Variants in ZSWIM5 observed in about 807,000 individuals in gnomAD.
ZSWIM5 encodes the protein zinc finger SWIM domain-containing protein 5.
A neutral mutation model predicts 119.6 loss-of-function variants in ZSWIM5; 55 were observed. The ratio of observed to expected loss-of-function variants is 0.46; its 90% CI spans 0.37 to 0.58. ZSWIM5 has a LOEUF of 0.58. Ranked by LOEUF, ZSWIM5 falls within the 20% of genes least tolerant of loss-of-function variation. The pLI is 0.00. For synonymous variants in ZSWIM5, 537 were observed against 606.9 expected, an observed-to-expected ratio of 0.88 and a Z score of 1.69; for missense variants, 1,193 against 1,512.8, an observed-to-expected ratio of 0.79 and a Z score of 3.51.
chr1:45,032,952 T>G (rs576141283), intron 11 of ZSWIM5, among the ~76,000 whole-genome samples: 4 of 152,286 alleles, frequency 2.6e-5, no homozygotes, highest in Admixed American at 2.6e-4. Context: ...ATTATTGGTT[T>G]TAAGCATTTT....
chr1:45,163,742 G>C (rs1013062505), intron 1 of ZSWIM5, among the ~76,000 whole-genome samples: 3 of 151,682 alleles, frequency 2.0e-5, no homozygotes, highest in Non-Finnish European at 4.4e-5. Context: ...AAGATCAAAT[G>C]AATGAAGTCA....
At chr1:45,094,517 A>G (rs1645387642) in intron 1 of ZSWIM5, among the ~76,000 whole-genome samples, 1 of 151,706 alleles carries the variant, frequency 6.6e-6, no homozygotes, top group African/African-American at 2.4e-5. Flanking sequence ...CCAAGGTGGG[A>G]GGACTGCTTG....
At chr1:45,075,923 C>A (rs1645254111) in intron 2 of ZSWIM5, among the ~76,000 whole-genome samples, 1 of 144,762 alleles carries the variant, frequency 6.9e-6, no homozygotes, top group African/African-American at 2.6e-5. Flanking sequence ...CTTGCAAATA[C>A]TATCTTATAA....
At chr1:45,081,322 C>A (rs1488478997) in intron 2 of ZSWIM5, among the ~76,000 whole-genome samples, 3 of 151,930 alleles carry the variant, frequency 2.0e-5, no homozygotes, top group Admixed American at 6.6e-5. Context: ...CCCATGGTCT[C>A]CCTCTCCCTC....
chr1:45,111,361 T>C (rs1380992936), intron 1 of ZSWIM5, among the ~76,000 whole-genome samples: 1 of 152,150 alleles, frequency 6.6e-6, no homozygotes, highest in East Asian at 1.9e-4. Context: ...CTGTTATACA[T>C]AGAAACAAAA....
chr1:45,152,142 C>T (rs560593804), intron 1 of ZSWIM5, among the ~76,000 whole-genome samples: 1 of 152,206 alleles, frequency 6.6e-6, no homozygotes, highest in East Asian at 1.9e-4. Context: ...CAGTGAGAGG[C>T]AAGCAGGGCC....
chr1:45,036,480 A>G, intron 8 of ZSWIM5, among the ~76,000 whole-genome samples, 181 bp from the exon 9 acceptor site: 1 of 150,702 alleles, frequency 6.6e-6, no homozygotes, highest in East Asian at 2.0e-4. Flanking sequence ...TCAGCCTCCC[A>G]AGTAGCTGGG....
At chr1:45,154,309 G>A (rs1174336509) in intron 1 of ZSWIM5, among the ~76,000 whole-genome samples, 1 of 152,016 alleles carries the variant, frequency 6.6e-6, no homozygotes, top group Non-Finnish European at 1.5e-5. Flanking sequence ...TAAGCAAAAA[G>A]TACAAATTTG....
At chr1:45,154,682 G>A (rs1462017172) in intron 1 of ZSWIM5, among the ~76,000 whole-genome samples, 2 of 152,078 alleles carry the variant, frequency 1.3e-5, no homozygotes, top group African/African-American at 4.8e-5. Context: ...AGGAGTTCGA[G>A]ACCAGCCTGG....
chr1:45,150,171 T>TAAA (rs59869691), intron 1 of ZSWIM5, among the ~76,000 whole-genome samples: 3 of 93,384 alleles, frequency 3.2e-5, no homozygotes, highest in Admixed American at 1.2e-4. Flanking sequence ...CTCTATCTCT[T>TAAA]AAAAAAAAAA....
At position 45,043,279 on chromosome 1, in the gene ZSWIM5, C is replaced by T. The variant is rs770106051; in HGVS notation, c.1549G>A (p.Ala517Thr). The change falls in exon 6 of 14, where the codon GCC becomes ACC. Residue 517 changes from alanine (A) to threonine (T), a missense_variant. Physicochemically the swap from Ala to Thr is moderately conservative, Grantham distance 58 (BLOSUM62 0). Coordinates refer to ENST00000359600, the MANE Select transcript of ZSWIM5 (RefSeq NM_020883.2). ...IISSDVYTAP[A>T]CQRESERLLF... ...AGTCTTTCACTTTCCCGCTGGCAGG[C>T]AGGAGCTGTATAAACATCACTGCTG... 3.1e-6 allele frequency: 5 copies of T among 1,614,046 alleles called. No homozygotes were observed. The African/African-American group carries it at 6.7e-5, about 22-fold the overall frequency.
chr1:45,119,244 T>TTA (rs1645577238), intron 1 of ZSWIM5, among the ~76,000 whole-genome samples: 1 of 152,152 alleles, frequency 6.6e-6, no homozygotes, highest in Non-Finnish European at 1.5e-5. Flanking sequence ...ATAGTCCTGC[T>TTA]TACCTCACTC....
intron 1 of ZSWIM5, among the ~76,000 whole-genome samples, chr1:45,191,001 C>CAGT (rs1463836506): frequency 1.6e-5 from 2 of 123,194 alleles, no homozygotes; most frequent in African/African-American, 3.2e-5. Context: ...GGCCGGAGTG[C>CAGT]AGTGGCGCTA....
At chr1:45,141,222 G>C (rs1645724827) in intron 1 of ZSWIM5, among the ~76,000 whole-genome samples, 1 of 152,204 alleles carries the variant, frequency 6.6e-6, no homozygotes, top group Admixed American at 6.5e-5. Flanking sequence ...TGGTAGAGCA[G>C]TAGTTCTAAG....
At chr1:45,123,414 G>C (rs548211098) in intron 1 of ZSWIM5, among the ~76,000 whole-genome samples, 104 of 152,174 alleles carry the variant, frequency 6.8e-4, no homozygotes, top group Non-Finnish European at 1.0e-3. Flanking sequence ...AGAAACAGAA[G>C]ATACAAAGAA....
rs574440592 is a variant in ZSWIM5, at chr1:45,180,246, C to T, written c.595+25510G>A. On this transcript the variant is annotated intron_variant, in intron 1 of 13. Coordinates refer to ENST00000359600, the MANE Select transcript of ZSWIM5 (RefSeq NM_020883.2). Reference sequence around the variant, plus strand: ...CTCCCACCCGAATACTGCGCTTTTCCGACGGGCTTAGGAAACGGCACACCA... The same window carrying T: ...CTCCCACCCGAATACTGCGCTTTTCTGACGGGCTTAGGAAACGGCACACCA... 4.3e-4 allele frequency among the ~76,000 whole-genome samples: 66 copies of T among 152,260 alleles called. No homozygotes were observed. The South Asian group carries it at 0.012, about 28-fold the overall frequency.
chr1:45,181,475 G>C (rs1189414277), intron 1 of ZSWIM5, among the ~76,000 whole-genome samples: 1 of 152,136 alleles, frequency 6.6e-6, no homozygotes, highest in Non-Finnish European at 1.5e-5. Context: ...ACCTGAAAGG[G>C]ACAGGGAGAA....
chr1:45,070,424 C>A, intron 2 of ZSWIM5: 1 of 1,368,388 alleles, frequency 7.3e-7, no homozygotes, highest in South Asian at 1.2e-5. Flanking sequence ...GGTACAAAGT[C>A]TCCATGTTGG....
In ZSWIM5 at chr1:45,017,957, T is replaced by C. The variant is rs549361767; in HGVS notation, c.*497A>G. 772 of 163,330 alleles carry C rather than the reference T, an allele frequency of 4.7e-3. 8 individuals are homozygous for C. Among genetic ancestry groups the C allele is most frequent in the African/African-American group, 0.017 (725 of 41,650 alleles). 10.1% of individuals were successfully genotyped at this position (163,330 alleles called of 1,614,324 possible). ...TCTGCAAGGGAAACCTGAGAAATGG[T>C]TGTGAGTCTCCTCAGAAAATAAGCA... On this transcript the variant is annotated 3_prime_UTR_variant, in exon 14 of 14. Coordinates refer to ENST00000359600, the MANE Select transcript of ZSWIM5 (RefSeq NM_020883.2).
Sources: allele counts gnomAD v4.1 joint callset (sites outside exome capture counted in the v4.1 genomes callset), GRCh38; gene constraint gnomAD v4.1.1; transcripts MANE v1.5; gene names NCBI Gene and HGNC (gene_info 2026-07-23, HGNC 2026-07-21).